Variants in THSD7A observed in about 807,000 individuals in gnomAD.
The protein encoded by THSD7A is thrombospondin type-1 domain-containing protein 7A.
In THSD7A, 96 loss-of-function variants were observed where a neutral mutation model predicts 231.3. The ratio of observed to expected loss-of-function variants is 0.41; its 90% CI spans 0.35 to 0.49. The LOEUF (loss-of-function observed/expected upper bound fraction) is 0.49, where lower values mean the gene tolerates loss of function less well. THSD7A is among the 20% of genes least tolerant of loss of function. The pLI, the probability that THSD7A is intolerant of heterozygous loss-of-function variation, is 0.05. For missense variants in THSD7A, 2,290 were observed against 2,070.2 expected (o/e 1.11, Z -2.06); for synonymous variants, 940 against 743.3 (o/e 1.26, Z -4.30).
At chr7:11,381,708 A>C (rs1056703984) in intron 24 of THSD7A, among the ~76,000 whole-genome samples, 3 of 152,184 alleles carry the variant, frequency 2.0e-5, no homozygotes, top group African/African-American at 7.2e-5. Flanking sequence ...GGAAAGGCTT[A>C]GATTTCTGGG....
intron 2 of THSD7A, among the ~76,000 whole-genome samples, chr7:11,630,483 C>T (rs1212303695): frequency 6.6e-6 from 1 of 152,134 alleles, no homozygotes; most frequent in African/African-American, 2.4e-5. Flanking sequence ...AATATTCACC[C>T]CTTCATGTTT....
intron 1 of THSD7A, among the ~76,000 whole-genome samples, chr7:11,774,845 G>C (rs1016689748): frequency 2.6e-5 from 4 of 152,072 alleles, no homozygotes; most frequent in African/African-American, 9.7e-5. Context: ...ACCTGAGGAC[G>C]GGAGTTCGAG....
At chr7:11,492,531 A>C (rs972199495) in intron 6 of THSD7A, among the ~76,000 whole-genome samples, 1 of 152,048 alleles carries the variant, frequency 6.6e-6, no homozygotes, top group African/African-American at 2.4e-5. Context: ...TTATCACACG[A>C]AAACAAGCAC....
At position 11,739,770 on chromosome 7, in the gene THSD7A, T is replaced by C. The variant is rs115104681; in HGVS notation, c.190+91987A>G. ...ACTTCCTAACTGGTGTTTCTACTTT[T>C]CTTCTTACACCTGTCGTACCCTGCT... is the stretch of plus-strand genomic sequence containing the variant. On this transcript the variant is annotated intron_variant, in intron 1 of 27. Coordinates refer to ENST00000423059, the MANE Select transcript of THSD7A (RefSeq NM_015204.3). Among the ~76,000 whole-genome samples, 695 of 151,940 alleles carry C rather than the reference T, an allele frequency of 4.6e-3. 5 individuals carry two copies. The highest frequency in any genetic ancestry group is 0.016 in the African/African-American group (661 of 41,486).
chr7:11,550,749 A>T (rs1257712868), intron 4 of THSD7A, among the ~76,000 whole-genome samples: 1 of 152,174 alleles, frequency 6.6e-6, no homozygotes, highest in Non-Finnish European at 1.5e-5. Flanking sequence ...GGAAGAAGTA[A>T]TATTATTGAA....
chr7:11,397,027 A>C (rs1239844036), intron 23 of THSD7A, among the ~76,000 whole-genome samples: 4 of 152,250 alleles, frequency 2.6e-5, no homozygotes, highest in African/African-American at 9.6e-5. Flanking sequence ...CCAATGACAA[A>C]AACCACATGA....
chr7:11,410,818 A>G (rs1331777460), intron 19 of THSD7A, among the ~76,000 whole-genome samples: 2 of 152,094 alleles, frequency 1.3e-5, no homozygotes, highest in Non-Finnish European at 2.9e-5. Flanking sequence ...ACATGTGATC[A>G]ATGTTTAGCA....
At chr7:11,811,549 T>C (rs1368563595) in intron 1 of THSD7A, among the ~76,000 whole-genome samples, 1 of 152,174 alleles carries the variant, frequency 6.6e-6, no homozygotes, top group Non-Finnish European at 1.5e-5. Context: ...ATCTCCTTCA[T>C]CATATGCCCT....
At chr7:11,821,138 G>C (rs1784861413) in intron 1 of THSD7A, 1 of 1,092,322 alleles carries the variant, frequency 9.2e-7, no homozygotes, top group Non-Finnish European at 1.4e-6. Flanking sequence ...CCTCTATTTA[G>C]GTATTTAGTA....
chr7:11,388,101 G>A (rs920490871), intron 23 of THSD7A, among the ~76,000 whole-genome samples: 3 of 152,060 alleles, frequency 2.0e-5, no homozygotes, highest in African/African-American at 7.2e-5. Flanking sequence ...GATTCAGTTT[G>A]CCAGTATTTT....
chr7:11,378,866 A>G, intron 26 of THSD7A: 1 of 568,696 alleles, frequency 1.8e-6, no homozygotes, highest in Non-Finnish European at 3.0e-6. Flanking sequence ...GAAGAATGTA[A>G]TTTCATTTCT....
At position 11,376,353 on chromosome 7, in the gene THSD7A, T is replaced by C. The variant is rs543544450; in HGVS notation, c.4889+217A>G. Among the ~76,000 whole-genome samples the C allele has an allele frequency of 8.5e-5, 13 of 152,204 alleles. No individual in the cohort carries two copies. In the East Asian group the frequency reaches 2.3e-3, roughly 27 times the overall value. On this transcript the variant is annotated intron_variant, in intron 27 of 27. Coordinates refer to ENST00000423059, the MANE Select transcript of THSD7A (RefSeq NM_015204.3). ...TTTCTTGAAAGTATGCAAGAGAACA[T>C]ACTCGAGAAGATGACCTGCAGCAAG...
At position 11,708,652 on chromosome 7, in the gene THSD7A, T is replaced by C. The variant is rs147688529; in HGVS notation, c.191-71691A>G. Among the ~76,000 whole-genome samples, 522 of 150,890 alleles carry C rather than the reference T, an allele frequency of 3.5e-3. 1 individual carries two copies. Among genetic ancestry groups the C allele is most frequent in the African/African-American group, 0.012 (502 of 41,380 alleles). On this transcript the variant is annotated intron_variant, in intron 1 of 27. Transcript: ENST00000423059. ...GCTCTGAATTGCTATGACATTATTT[T>C]CTCCACTCACTCTAGCTCAAGGGTG...
At chr7:11,564,584 A>G (rs572434577) in intron 4 of THSD7A, among the ~76,000 whole-genome samples, 181 of 152,268 alleles carry the variant, frequency 1.2e-3, no homozygotes, top group Middle Eastern at 3.4e-3. Context: ...CCAGTCTTAT[A>G]TAAATACCAT....
chr7:11,484,174 A>AT (rs1267602183), intron 6 of THSD7A, among the ~76,000 whole-genome samples: 1 of 151,926 alleles, frequency 6.6e-6, no homozygotes, highest in African/African-American at 2.4e-5. Context: ...AACATCTGAG[A>AT]TTTCCCTGAT....
chr7:11,498,748 C>T (rs1057407370), intron 6 of THSD7A, among the ~76,000 whole-genome samples: 3 of 152,158 alleles, frequency 2.0e-5, no homozygotes, highest in African/African-American at 7.2e-5. Flanking sequence ...GTCCCTACTT[C>T]CCTGGGACAA....
rs190362022 is a variant in THSD7A at position 11,579,364 on chromosome 7, G to C, written c.1453+11096C>G. On this transcript the variant is annotated intron_variant, in intron 4 of 27. Transcript: ENST00000423059. ...TTTTACATCTTTAGATAGCAGGAGT[G>C]TGCCTCTGAAAAAATGCTACTCATT... Among the ~76,000 whole-genome samples, 182 of 152,286 alleles carry C rather than the reference G, an allele frequency of 1.2e-3. 1 individual carries two copies. The highest frequency in any genetic ancestry group is 4.2e-3 in the African/African-American group (176 of 41,558).
chr7:11,666,853 C>T (rs1238943988), intron 1 of THSD7A, among the ~76,000 whole-genome samples: 4 of 151,902 alleles, frequency 2.6e-5, no homozygotes, highest in African/African-American at 9.6e-5. Flanking sequence ...GACATTAAAG[C>T]ATTTGAAATT....
At chr7:11,596,618 G>A (rs966280149) in intron 2 of THSD7A, among the ~76,000 whole-genome samples, 5 of 152,184 alleles carry the variant, frequency 3.3e-5, no homozygotes, top group Non-Finnish European at 5.9e-5. Context: ...CGCATAGCTG[G>A]AGGGATTGAG....
Sources: gnomAD v4.1 joint callset for allele counts (sites outside exome capture counted in the v4.1 genomes callset) on GRCh38, gnomAD v4.1.1 for gene constraint, MANE v1.5 for transcripts, NCBI Gene and HGNC (gene_info 2026-07-23, HGNC 2026-07-21) for gene names.